The following CSMD1 variants were observed in gnomAD, a reference collection of about 807,000 sequenced individuals.
CSMD1 encodes the protein CUB and sushi domain-containing protein 1.
A neutral mutation model predicts 417.5 loss-of-function variants in CSMD1; 213 were observed. The observed-to-expected ratio is 0.51, with a 90% CI of 0.46 to 0.57. The LOEUF (loss-of-function observed/expected upper bound fraction) is 0.57. Among genes scored for constraint, CSMD1 ranks in the 20% least tolerant of loss-of-function variants. The pLI is 0.00. For missense variants in CSMD1, 6,923 were observed against 4,529.7 expected, an observed-to-expected ratio of 1.53 and a Z score of -15.17; for synonymous variants, 2,862 against 1,736.8, an observed-to-expected ratio of 1.65 and a Z score of -16.11.
intron 2 of CSMD1, among the ~76,000 whole-genome samples, chr8:4,546,637 C>G (rs529015381): frequency 2.0e-5 from 3 of 152,168 alleles, no homozygotes; most frequent in African/African-American, 7.2e-5. Context: ...GGACTTTGGC[C>G]TTGGCTGAGT....
chr8:3,011,867 A>G (rs1201064647), intron 52 of CSMD1, among the ~76,000 whole-genome samples: 1 of 152,258 alleles, frequency 6.6e-6, no homozygotes. Context: ...TGGTTTAAGC[A>G]AACTACCGCA....
chr8:3,433,467 G>A (rs1186654188), intron 12 of CSMD1, among the ~76,000 whole-genome samples: 2 of 152,114 alleles, frequency 1.3e-5, no homozygotes, highest in Non-Finnish European at 2.9e-5. Context: ...TTTGTGGTTG[G>A]TGTTGTGTGG....
chr8:3,992,758 G>T (rs1199464848), intron 5 of CSMD1, among the ~76,000 whole-genome samples: 1 of 152,210 alleles, frequency 6.6e-6, no homozygotes, highest in Non-Finnish European at 1.5e-5. Context: ...TCCACACTGG[G>T]TGACAGAAGG....
intron 41 of CSMD1, among the ~76,000 whole-genome samples, chr8:3,125,663 T>C (rs977929112): frequency 3.3e-5 from 5 of 152,210 alleles, no homozygotes; most frequent in African/African-American, 1.2e-4. Flanking sequence ...ATAAGAGTTG[T>C]TGTATTATCT....
chr8:4,482,007 G>T (rs939144161), intron 2 of CSMD1, among the ~76,000 whole-genome samples: 2 of 152,120 alleles, frequency 1.3e-5, no homozygotes, highest in African/African-American at 4.8e-5. Flanking sequence ...AGTCTTTCCA[G>T]AGATTTATGA....
intron 55 of CSMD1, among the ~76,000 whole-genome samples, chr8:2,976,214 C>G (rs2128935958): frequency 6.8e-6 from 1 of 147,950 alleles, no homozygotes; most frequent in Admixed American, 6.7e-5. Flanking sequence ...GAGGGAAACT[C>G]ACTTGGAGAA....
At chr8:4,931,681 A>T (rs924698817) in intron 1 of CSMD1, among the ~76,000 whole-genome samples, 25 of 152,240 alleles carry the variant, frequency 1.6e-4, no homozygotes, top group Non-Finnish European at 1.5e-5. Context: ...GTTTAAGATT[A>T]TGTAAAGCAA....
intron 5 of CSMD1, among the ~76,000 whole-genome samples, chr8:3,974,772 A>C (rs1450906926): frequency 1.3e-5 from 2 of 152,116 alleles, no homozygotes; most frequent in Non-Finnish European, 2.9e-5. Context: ...CTTTACAGTT[A>C]TTGGTAATTC....
intron 40 of CSMD1, among the ~76,000 whole-genome samples, chr8:3,150,722 C>A (rs1002608038): frequency 5.9e-5 from 9 of 152,010 alleles, no homozygotes; most frequent in African/African-American, 2.2e-4. Context: ...TAGGGAGACT[C>A]AAATAAATGA....
chr8:4,577,603 T>C (rs752910031), intron 2 of CSMD1, among the ~76,000 whole-genome samples: 3 of 152,306 alleles, frequency 2.0e-5, no homozygotes, highest in East Asian at 3.9e-4. Context: ...CCAGTATCTC[T>C]TCTTCACCAG....
chr8:3,458,201 A>T (rs1304699722), intron 12 of CSMD1, among the ~76,000 whole-genome samples: 1 of 152,184 alleles, frequency 6.6e-6, no homozygotes, highest in Non-Finnish European at 1.5e-5. Context: ...AGTGCAATGT[A>T]GCTGGAGCTA....
At chr8:3,819,128 G>C (rs549881678) in intron 5 of CSMD1, among the ~76,000 whole-genome samples, 1 of 152,312 alleles carries the variant, frequency 6.6e-6, no homozygotes, top group African/African-American at 2.4e-5. Flanking sequence ...GGAAAGATTT[G>C]CTGGTCTAGC....
chr8:3,361,495 C>CA (rs913012998), intron 20 of CSMD1, among the ~76,000 whole-genome samples: 1 of 150,936 alleles, frequency 6.6e-6, no homozygotes, highest in South Asian at 2.1e-4. Context: ...TAAAAAATAA[C>CA]AAAAAAATTA....
chr8:3,136,815 C>A (rs188954691), intron 41 of CSMD1, among the ~76,000 whole-genome samples: 29 of 152,074 alleles, frequency 1.9e-4, no homozygotes, highest in Admixed American at 1.5e-3. Flanking sequence ...CTTAAAGAAG[C>A]CTTCTACAAA....
chr8:3,982,277 G>C (rs370906124), intron 5 of CSMD1, among the ~76,000 whole-genome samples: 1 of 151,280 alleles, frequency 6.6e-6, no homozygotes, highest in South Asian at 2.1e-4. Context: ...TTAAATCCTG[G>C]TCTACATTCC....
intron 23 of CSMD1, among the ~76,000 whole-genome samples, chr8:3,328,456 T>A (rs958633961): frequency 6.6e-6 from 1 of 152,190 alleles, no homozygotes; most frequent in African/African-American, 2.4e-5. Flanking sequence ...CAGAATACCT[T>A]ACAAAATTTT....
intron 2 of CSMD1, among the ~76,000 whole-genome samples, chr8:4,424,567 G>C (rs1008166537): frequency 2.4e-4 from 37 of 152,150 alleles, no homozygotes; most frequent in African/African-American, 7.5e-4. Context: ...TGGCTAGAAC[G>C]TGGAGAAAAT....
chr8:4,544,890 C>T lies in CSMD1; in HGVS notation c.302+92452G>A, dbSNP rs1223203383. 4.6e-5 allele frequency among the ~76,000 whole-genome samples: 7 copies of T among 152,330 alleles called. No homozygotes were observed. In the South Asian group the frequency reaches 1.5e-3, roughly 32 times the overall value. On this transcript the variant is annotated intron_variant, in intron 2 of 69. Coordinates refer to ENST00000635120, the MANE Select transcript of CSMD1 (RefSeq NM_033225.6). ...AAGCAGCAAGGAATCTTCTCCATCA[C>T]ATTGGTCTTTAATGTTCCACTTACA...
intron 7 of CSMD1, among the ~76,000 whole-genome samples, chr8:3,688,004 A>T (rs1365605082): frequency 6.6e-6 from 1 of 152,188 alleles, no homozygotes; most frequent in African/African-American, 2.4e-5. Context: ...TCTCTCTTTT[A>T]AATCTGCAAA....
Sources: allele counts gnomAD v4.1 joint callset (sites outside exome capture counted in the v4.1 genomes callset), GRCh38; gene constraint gnomAD v4.1.1; transcripts MANE v1.5; gene names NCBI Gene and HGNC (gene_info 2026-07-23, HGNC 2026-07-21).